The following CELF2 variants were observed in gnomAD, a reference collection of about 807,000 sequenced individuals.
CELF2 encodes CUG triplet repeat RNA-binding protein 2.
CELF2 carries 8 observed loss-of-function variants against 62.6 expected under a neutral mutation model. The ratio of observed to expected loss-of-function variants is 0.13; its 90% CI spans 0.07 to 0.23. The LOEUF (loss-of-function observed/expected upper bound fraction) is 0.23, where lower values mean the gene tolerates loss of function less well. Among genes scored for constraint, CELF2 ranks in the 10% least tolerant of loss-of-function variants. The probability of loss-of-function intolerance (pLI) is 1.00; values close to 1 mark genes in which losing one functional copy is unlikely to be tolerated. For missense variants in CELF2, 333 were observed against 671.0 expected (o/e 0.50, Z 5.56); for synonymous variants, 258 against 250.0 (o/e 1.03, Z -0.30).
the CELF2 span, among the ~76,000 whole-genome samples, chr10:10,783,064 C>G: frequency 6.6e-6 from 1 of 152,052 alleles, no homozygotes; most frequent in Non-Finnish European, 1.5e-5. Flanking sequence ...TCTCTTTTTT[C>G]AGAAACATTA....
At chr10:11,187,831 AC>A (rs2075362512) in intron 2 of CELF2, among the ~76,000 whole-genome samples, 1 of 152,196 alleles carries the variant, frequency 6.6e-6, no homozygotes, top group Admixed American at 6.5e-5. Context: ...CATCCACAAT[AC>A]CTTGTTACAA....
rs71378768 is a variant in CELF2 at position 10,833,013 on chromosome 10, C to CTGTGTGTGTGTGTGTGTGTGTG, written c.53+34214_53+34235dup. Among the ~76,000 whole-genome samples, 4 of 144,616 alleles carry CTGTGTGTGTGTGTGTGTGTGTG rather than the reference C, an allele frequency of 2.8e-5. No individual in the cohort carries two copies. The East Asian group carries it at 8.3e-4, about 30-fold the overall frequency. 94.9% of individuals were successfully genotyped at this position (144,616 alleles called of 152,430 possible). On this transcript the variant is annotated intron_variant, in intron 1 of 13. Transcript: ENST00000636488. ...GAGCCTCCTACAGACACAGAAAACT[C>CTGTGTGTGTGTGTGTGTGTGTG]TGTGTGTGTGTGTGTGTGTGTGTGT...
intron 1 of CELF2, among the ~76,000 whole-genome samples, chr10:11,102,730 T>C (rs531588291): frequency 1.3e-5 from 2 of 152,306 alleles, no homozygotes; most frequent in African/African-American, 2.4e-5. Flanking sequence ...CCAAATTCAA[T>C]GTAAAATGGA....
chr10:10,537,277 G>A, the CELF2 span, among the ~76,000 whole-genome samples: 1 of 152,166 alleles, frequency 6.6e-6, no homozygotes, highest in East Asian at 1.9e-4. Flanking sequence ...ATAAGAGGGT[G>A]AGTTTTGAAG....
the CELF2 span, among the ~76,000 whole-genome samples, chr10:10,544,572 A>G: frequency 1.3e-5 from 2 of 152,384 alleles, no homozygotes; most frequent in African/African-American, 4.8e-5. Flanking sequence ...GTATAAAGCT[A>G]TGAGTATACT....
At chr10:10,701,398 T>C in the CELF2 span, among the ~76,000 whole-genome samples, 1 of 152,228 alleles carries the variant, frequency 6.6e-6, no homozygotes, top group Non-Finnish European at 1.5e-5. Context: ...TTTGTTCACT[T>C]GTCAGAAAGG....
chr10:10,468,977 T>C, the CELF2 span, among the ~76,000 whole-genome samples: 57 of 152,076 alleles, frequency 3.7e-4, no homozygotes, highest in African/African-American at 1.3e-3. Flanking sequence ...TCAGACGTTT[T>C]ATAAAAAGTT....
rs2074156027 is a variant in CELF2, at chr10:11,242,266, G to T, written c.355-6887G>T. Among the ~76,000 whole-genome samples the T allele has an allele frequency of 6.6e-6, 1 of 152,178 alleles. No individual in the cohort carries two copies. The highest frequency in any genetic ancestry group is 1.5e-5 in the Non-Finnish European group (1 of 68,024). On this transcript the variant is annotated intron_variant, in intron 3 of 12. Transcript: ENST00000633077. This position sits in a 1 kb window ranked among gnomAD's most constrained non-coding sequence, Gnocchi z 4.8. ...ATGTTTTATTGAATCTCATGTTAAA[G>T]GTGGTTAACTCATCAATTGGTGATG...
At chr10:10,769,520 T>C in the CELF2 span, among the ~76,000 whole-genome samples, 1 of 152,164 alleles carries the variant, frequency 6.6e-6, no homozygotes, top group South Asian at 2.1e-4. Context: ...CCTAGCACTT[T>C]GGGAGGCTGA....
the CELF2 span, among the ~76,000 whole-genome samples, chr10:10,716,210 G>C: frequency 6.6e-6 from 1 of 152,262 alleles, no homozygotes; most frequent in South Asian, 2.1e-4. Flanking sequence ...GAGTCAAATA[G>C]TTCATGAAAG....
chr10:10,504,719 GT>G, the CELF2 span, among the ~76,000 whole-genome samples: 64 of 150,410 alleles, frequency 4.3e-4, no homozygotes, highest in African/African-American at 1.4e-3. Flanking sequence ...CTGAGTCCAT[GT>G]TTTTTTTTCT....
chr10:10,621,018 T>C, the CELF2 span, among the ~76,000 whole-genome samples: 1 of 147,314 alleles, frequency 6.8e-6, no homozygotes, highest in Admixed American at 6.8e-5. Context: ...GGTCAGGAGA[T>C]GGAAACTACC....
intron 10 of CELF2, chr10:11,317,179 A>T (rs980190504): frequency 6.9e-4 from 35 of 50,492 alleles, no homozygotes; most frequent in African/African-American, 2.4e-3. Context: ...TGATTGTTTA[A>T]AAAAAAAAAA....
intron 1 of CELF2, among the ~76,000 whole-genome samples, chr10:11,095,487 C>T (rs144745340): frequency 2.0e-5 from 3 of 152,290 alleles, no homozygotes; most frequent in South Asian, 2.1e-4. Context: ...TTACCTGGAG[C>T]TAAGATGAAG....
the CELF2 span, among the ~76,000 whole-genome samples, chr10:10,462,615 CTT>C: frequency 0.023 from 1,566 of 69,434 alleles, 9 homozygotes; most frequent in African/African-American, 0.05. Flanking sequence ...TTTTTTTCAT[CTT>C]TTTTTTTTTT....
chr10:10,678,717 C>A, the CELF2 span, among the ~76,000 whole-genome samples: 3 of 152,180 alleles, frequency 2.0e-5, no homozygotes, highest in Non-Finnish European at 4.4e-5. Flanking sequence ...TTTAAGCACA[C>A]AGCATTCCCA....
intron 1 of CELF2, among the ~76,000 whole-genome samples, chr10:11,112,804 C>G (rs1166893909): frequency 6.6e-6 from 1 of 152,232 alleles, no homozygotes; most frequent in East Asian, 1.9e-4. Flanking sequence ...TGAAACGGAA[C>G]CATGAGTAAA....
chr10:10,591,905 T>TCA, the CELF2 span, among the ~76,000 whole-genome samples: 1 of 152,048 alleles, frequency 6.6e-6, no homozygotes, highest in Non-Finnish European at 1.5e-5. Context: ...CTATGTGTGT[T>TCA]CACACACACA....
chr10:10,993,128 G>C lies in CELF2; in HGVS notation c.89+73129G>C, dbSNP rs986513559. Among the ~76,000 whole-genome samples the C allele has an allele frequency of 6.6e-6, 1 of 152,092 alleles. No homozygotes were observed. The highest frequency in any genetic ancestry group is 1.5e-5 in the Non-Finnish European group (1 of 68,004). ...GCAGGGCCAGCTGCTGTTTCCCACC[G>C]AAGAGGCGAGTCAGCAGATCAGTAA... On this transcript the variant is annotated intron_variant, in intron 2 of 13. Transcript: ENST00000636488. This position sits in a 1 kb window ranked among gnomAD's most constrained non-coding sequence, Gnocchi z 5.3.
Sources: allele counts gnomAD v4.1 joint callset (sites outside exome capture counted in the v4.1 genomes callset), GRCh38; gene constraint gnomAD v4.1.1; non-coding constraint Gnocchi (gnomAD v3.1); transcripts MANE v1.5; gene names NCBI Gene and HGNC (gene_info 2026-07-23, HGNC 2026-07-21).